C5orf24: variants seen among roughly 807,000 people sequenced by gnomAD.
C5orf24 encodes the protein chromosome 5 open reading frame 24, also known as UPF0461 protein C5orf24.
C5orf24 carries 4 observed loss-of-function variants against 9.8 expected under a neutral mutation model. The ratio of observed to expected loss-of-function variants is 0.41; its 90% CI spans 0.20 to 0.93. The LOEUF (loss-of-function observed/expected upper bound fraction) is 0.93. Ranked by LOEUF, C5orf24 falls within the 40% of genes least tolerant of loss-of-function variation. C5orf24 has a pLI of 0.33. For synonymous variants in C5orf24, 73 were observed against 81.3 expected, an observed-to-expected ratio of 0.90 and a Z score of 0.55; for missense variants, 170 against 236.9, an observed-to-expected ratio of 0.72 and a Z score of 1.85.
At chr5:134,851,871 A>C (rs1474837188) in intron 1 of C5orf24, among the ~76,000 whole-genome samples, 3 of 152,224 alleles carry the variant, frequency 2.0e-5, no homozygotes, top group Non-Finnish European at 4.4e-5. Context: ...CTATGTTTGG[A>C]ACTCATCTTG....
chr5:134,850,987 AATAC>A (rs1233332966), intron 1 of C5orf24, among the ~76,000 whole-genome samples: 3 of 148,448 alleles, frequency 2.0e-5, no homozygotes, highest in Admixed American at 6.7e-5. Flanking sequence ...TACATACAGA[AATAC>A]ATATATTTAT....
At chr5:134,836,116 A>G in the C5orf24 span, among the ~76,000 whole-genome samples, 1 of 149,836 alleles carries the variant, frequency 6.7e-6, no homozygotes, top group East Asian at 1.9e-4. Context: ...TGAGAAGCCT[A>G]TACTCATTTA....
chr5:134,848,282 G>A (rs1756051450), intron 1 of C5orf24, among the ~76,000 whole-genome samples: 1 of 152,056 alleles, frequency 6.6e-6, no homozygotes, highest in Non-Finnish European at 1.5e-5. Flanking sequence ...CTGTTCTCCA[G>A]CCTGGGCGAC....
At chr5:134,841,996 A>G (rs538963859), upstream of C5orf24, among the ~76,000 whole-genome samples, 1 of 152,174 alleles carries the variant, frequency 6.6e-6, no homozygotes, top group Non-Finnish European at 1.5e-5. Context: ...TAGGAGGCTG[A>G]TTGCTTTAAT....
intron 1 of C5orf24, among the ~76,000 whole-genome samples, chr5:134,853,604 T>TG (rs1756227761): frequency 1.4e-5 from 2 of 147,254 alleles, no homozygotes; most frequent in Non-Finnish European, 3.0e-5. Flanking sequence ...TTCAAACTCC[T>TG]GGGCTCAAGT....
Position 134,857,028 on chromosome 5 carries a change from T to C in C5orf24, c.*1561T>C. On this transcript the variant is annotated 3_prime_UTR_variant, in exon 2 of 2. Transcript: ENST00000394976. ...AGCAAGATAGAAAGGAAAAAAAGTA[T>C]TAGGTAGATATGTATAGTAGGGACA... 9.7e-7 allele frequency: 1 copy of C among 1,031,688 alleles called. No individual in the cohort carries two copies. Among genetic ancestry groups the C allele is most frequent in the Non-Finnish European group, 1.2e-6 (1 of 850,948 alleles). The allele number at this position is 1,031,688 out of a possible 1,614,324, so 63.9% of individuals were successfully genotyped here.
intron 1 of C5orf24, among the ~76,000 whole-genome samples, chr5:134,854,488 T>C (rs1270092088): frequency 6.6e-6 from 1 of 152,262 alleles, no homozygotes; most frequent in Non-Finnish European, 1.5e-5. Context: ...GGAGGCATTC[T>C]AAGAACATCA....
At chr5:134,854,788 A>T in intron 1 of C5orf24, 110 bp from the exon 2 acceptor site, 2 of 1,201,384 alleles carry the variant, frequency 1.7e-6, no homozygotes, top group South Asian at 1.4e-5. Flanking sequence ...GCCTAATTTT[A>T]TGTAGCCTGC....
upstream of C5orf24, among the ~76,000 whole-genome samples, chr5:134,844,331 C>T (rs915557269): frequency 2.8e-4 from 42 of 151,988 alleles, no homozygotes; most frequent in African/African-American, 9.7e-4. Context: ...ATGATTAATC[C>T]TGTTTTTTTA....
chr5:134,843,462 C>T (rs1755929667), upstream of C5orf24, among the ~76,000 whole-genome samples: 1 of 151,950 alleles, frequency 6.6e-6, no homozygotes, highest in African/African-American at 2.4e-5. Flanking sequence ...GGGACAGGGT[C>T]TCGCTTGGTC....
the C5orf24 span, among the ~76,000 whole-genome samples, chr5:134,835,378 G>A: frequency 9.9e-3 from 1,502 of 152,238 alleles, 35 homozygotes; most frequent in African/African-American, 0.034. Flanking sequence ...GGCCGGATGC[G>A]TTGGCTCACA....
At chr5:134,842,133 ATAGTT>A, upstream of C5orf24, among the ~76,000 whole-genome samples, 1 of 152,294 alleles carries the variant, frequency 6.6e-6, no homozygotes, top group African/African-American at 2.4e-5. Flanking sequence ...TATTGTGAAG[ATAGTT>A]TAGATTTTCT....
At chr5:134,846,994 TGAAAG>T (rs1168521480) in intron 1 of C5orf24, 2 of 152,220 alleles carry the variant, frequency 1.3e-5, no homozygotes, top group Non-Finnish European at 2.9e-5. Context: ...TTGGGTTTCT[TGAAAG>T]GAAGCTTTCT....
At position 134,855,406 on chromosome 5, in the gene C5orf24, A is replaced by G. The variant is rs779838942; in HGVS notation, c.506A>G (p.His169Arg). The G allele has an allele frequency of 1.9e-6, 3 of 1,614,206 alleles. No homozygotes were observed. Among genetic ancestry groups the G allele is most frequent in the Non-Finnish European group, 2.5e-6 (3 of 1,180,040 alleles). ...GTAAFPYPMMHGRAVHGVEET... is the reference protein window; with the variant it reads ...GTAAFPYPMMRGRAVHGVEET... ...GCTGCTTTTCCTTACCCTATGATGC[A>G]TGGCAGAGCAGTTCATGGGGTAGAG... Residue 169 changes from histidine (H) to arginine (R), a missense_variant, in exon 2 of 2, where the codon CAT becomes CGT. By Grantham distance (29) the His-to-Arg change is conservative. Transcript: ENST00000394976.
intron 1 of C5orf24, among the ~76,000 whole-genome samples, chr5:134,848,494 TAA>T (rs34413979): frequency 7.8e-5 from 10 of 128,148 alleles, no homozygotes; most frequent in Non-Finnish European, 5.0e-5. Flanking sequence ...TCGTTTCTAC[TAA>T]AAAAAAAAAA....
At chr5:134,834,933 A>G in the C5orf24 span, among the ~76,000 whole-genome samples, 36 of 152,106 alleles carry the variant, frequency 2.4e-4, no homozygotes, top group East Asian at 6.6e-3. Flanking sequence ...AGTCCCAGCT[A>G]CTCGGGAGGC....
In C5orf24 at chr5:134,855,768, A is replaced by C; in HGVS notation, c.*301A>C. ...CATTACTACTTTGGGGCTGTTCTAA[A>C]TAGATGCTTTATGTGATAAACAACT... On this transcript the variant is annotated 3_prime_UTR_variant, in exon 2 of 2. Transcript: ENST00000394976. 1 of 1,241,114 alleles carries C rather than the reference A, an allele frequency of 8.1e-7. No individual in the cohort carries two copies. Among genetic ancestry groups the C allele is most frequent in the Non-Finnish European group, 1.0e-6 (1 of 979,130 alleles). 76.9% of individuals were successfully genotyped at this position (1,241,114 alleles called of 1,614,324 possible).
intron 1 of C5orf24, among the ~76,000 whole-genome samples, chr5:134,852,797 G>C (rs769299025): frequency 6.6e-5 from 10 of 152,172 alleles, no homozygotes; most frequent in Non-Finnish European, 1.3e-4. Context: ...AGCACTTTGG[G>C]AGGCCAAGGA....
chr5:134,850,093 C>CTA (rs1408619103), intron 1 of C5orf24, among the ~76,000 whole-genome samples: 1 of 152,120 alleles, frequency 6.6e-6, no homozygotes, highest in Non-Finnish European at 1.5e-5. Context: ...ATAATACAAA[C>CTA]TAAAGGCATA....
Sources: allele counts gnomAD v4.1 joint callset (sites outside exome capture counted in the v4.1 genomes callset), GRCh38; gene constraint gnomAD v4.1.1; transcripts MANE v1.5; gene names NCBI Gene and HGNC (gene_info 2026-07-23, HGNC 2026-07-21).